The following NPSR1 variants were observed in gnomAD, a reference collection of about 807,000 sequenced individuals.
NPSR1 encodes the protein neuropeptide S receptor.
A neutral mutation model predicts 46.9 loss-of-function variants in NPSR1; 48 were observed. That is an observed-to-expected ratio of 1.02 (90% CI 0.81 to 1.30). NPSR1 has a LOEUF of 1.30. NPSR1 is among the 50% of genes most tolerant of loss of function. The probability of loss-of-function intolerance (pLI) is 0.00; values close to 1 mark genes in which losing one functional copy is unlikely to be tolerated. For missense variants in NPSR1, 450 were observed against 449.5 expected (o/e 1.00, Z -0.01); for synonymous variants, 176 against 168.1 (o/e 1.05, Z -0.36).
At chr7:34,783,710 A>G (rs992902968) in intron 3 of NPSR1, among the ~76,000 whole-genome samples, 1 of 152,156 alleles carries the variant, frequency 6.6e-6, no homozygotes, top group Admixed American at 6.6e-5. Flanking sequence ...ACCAAGACAT[A>G]TTATAATCAA....
At chr7:34,693,591 T>G (rs1793371916) in intron 2 of NPSR1, among the ~76,000 whole-genome samples, 1 of 152,210 alleles carries the variant, frequency 6.6e-6, no homozygotes, top group Non-Finnish European at 1.5e-5. Context: ...CCAATCTTAC[T>G]GAATCTATTC....
intron 5 of NPSR1, among the ~76,000 whole-genome samples, chr7:34,833,867 C>A (rs575511561): frequency 6.6e-6 from 1 of 152,222 alleles, no homozygotes; most frequent in Non-Finnish European, 1.5e-5. Flanking sequence ...ATAGAGACAC[C>A]AACAAGACAG....
chr7:34,757,609 T>C (rs1294253779), intron 2 of NPSR1, among the ~76,000 whole-genome samples: 2 of 152,204 alleles, frequency 1.3e-5, no homozygotes, highest in Non-Finnish European at 2.9e-5. Flanking sequence ...GTATGAGTTC[T>C]GGCTCTGAAG....
Position 34,709,484 on chromosome 7 carries a change from A to G in NPSR1, c.280+24800A>G, listed in dbSNP as rs2128701260. Reference sequence around the variant, plus strand: ...CATAGTCTGTATAGCTAACTCCCTCATGTCCTTCAAATCTTTCTTCAAATG... The same window carrying G: ...CATAGTCTGTATAGCTAACTCCCTCGTGTCCTTCAAATCTTTCTTCAAATG... On this transcript the variant is annotated intron_variant, in intron 2 of 8. Transcript: ENST00000360581. Among the ~76,000 whole-genome samples the G allele has an allele frequency of 1.3e-5, 2 of 152,230 alleles. 1 individual carries two copies. Among genetic ancestry groups the G allele is most frequent in the South Asian group, 4.1e-4 (2 of 4,822 alleles).
chr7:34,782,728 CAT>C (rs1787285296), intron 3 of NPSR1, among the ~76,000 whole-genome samples: 1 of 151,718 alleles, frequency 6.6e-6, no homozygotes, highest in East Asian at 1.9e-4. Flanking sequence ...CAAAAATAAA[CAT>C]AAAAAAACAG....
At chr7:34,772,568 C>G (rs903985334) in intron 2 of NPSR1, among the ~76,000 whole-genome samples, 1 of 152,114 alleles carries the variant, frequency 6.6e-6, no homozygotes, top group Non-Finnish European at 1.5e-5. Context: ...ATGGGTAGTA[C>G]AGAAAAGAGT....
intron 2 of NPSR1, among the ~76,000 whole-genome samples, chr7:34,776,307 T>A (rs1786955072): frequency 6.6e-6 from 1 of 152,194 alleles, no homozygotes; most frequent in South Asian, 2.1e-4. Context: ...TGTTGAAGTC[T>A]CCAGCTATTA....
chr7:34,751,785 C>T (rs1785549583), intron 2 of NPSR1: 10 of 1,587,898 alleles, frequency 6.3e-6, no homozygotes, highest in Non-Finnish European at 8.6e-6. Context: ...CACAGCCCTG[C>T]CATATCTGGG....
rs1785610044 is a variant in NPSR1 at position 34,752,860 on chromosome 7, A to AGCTGAACAG, written c.281-25599_281-25591dup. 2.6e-5 allele frequency among the ~76,000 whole-genome samples: 4 copies of AGCTGAACAG among 152,288 alleles called. No homozygotes were observed. In the East Asian group the frequency reaches 7.7e-4, roughly 29 times the overall value. ...GCACTACTCATTCCTCAAGACACAA[A>AGCTGAACAG]GCTGAACAGGCACTCTGTGAAGCCT... On this transcript the variant is annotated intron_variant, in intron 2 of 8. Coordinates refer to ENST00000360581, the MANE Select transcript of NPSR1 (RefSeq NM_207172.2).
chr7:34,808,579 T>C (rs976928482), intron 3 of NPSR1, among the ~76,000 whole-genome samples: 2 of 152,236 alleles, frequency 1.3e-5, no homozygotes, highest in African/African-American at 4.8e-5. Context: ...ACTTCATTGC[T>C]TACCATAGTT....
intron 2 of NPSR1, among the ~76,000 whole-genome samples, chr7:34,767,542 A>G (rs1333450020): frequency 6.6e-6 from 1 of 152,228 alleles, no homozygotes; most frequent in African/African-American, 2.4e-5. Flanking sequence ...ATCTGAAGAT[A>G]GATCCATAAA....
chr7:34,826,633 T>C (rs1386348180), intron 4 of NPSR1, among the ~76,000 whole-genome samples: 1 of 152,206 alleles, frequency 6.6e-6, no homozygotes, highest in Non-Finnish European at 1.5e-5. Context: ...TTAAAGGTAC[T>C]TGCTTATGTA....
At chr7:34,829,213 C>T (rs773779100) in intron 5 of NPSR1, among the ~76,000 whole-genome samples, 182 of 152,290 alleles carry the variant, frequency 1.2e-3, no homozygotes, top group Non-Finnish European at 2.1e-3. Flanking sequence ...TGCCCCCGCC[C>T]CCTCATCAGA....
At chr7:34,701,436 C>G (rs1793824887) in intron 2 of NPSR1, among the ~76,000 whole-genome samples, 1 of 152,154 alleles carries the variant, frequency 6.6e-6, no homozygotes, top group Admixed American at 6.5e-5. Flanking sequence ...ATCATTTACT[C>G]CACCCTAAGT....
intron 3 of NPSR1, among the ~76,000 whole-genome samples, chr7:34,790,957 A>G (rs376936340): frequency 0.047 from 4,432 of 94,482 alleles, 565 homozygotes; most frequent in African/African-American, 0.15. Flanking sequence ...TATATGTTAT[A>G]TGTTATATTA....
chr7:34,688,234 T>G (rs749067302), intron 2 of NPSR1, among the ~76,000 whole-genome samples: 2 of 152,160 alleles, frequency 1.3e-5, no homozygotes, highest in Non-Finnish European at 2.9e-5. Flanking sequence ...GAAGGCATTA[T>G]CCCATCATCA....
At chr7:34,755,335 G>C (rs1445150759) in intron 2 of NPSR1, among the ~76,000 whole-genome samples, 6 of 152,206 alleles carry the variant, frequency 3.9e-5, no homozygotes, top group Non-Finnish European at 7.3e-5. Flanking sequence ...AGGGAGGAAT[G>C]CAGAGATTTA....
intron 5 of NPSR1, among the ~76,000 whole-genome samples, chr7:34,832,568 TAAGCTCC>T (rs1790170005): frequency 6.6e-6 from 1 of 152,166 alleles, no homozygotes; most frequent in African/African-American, 2.4e-5. Flanking sequence ...GCTTGATCAC[TAAGCTCC>T]AAGAAGTAGT....
At chr7:34,751,730 C>G in intron 2 of NPSR1, 1 of 1,585,236 alleles carries the variant, frequency 6.3e-7, no homozygotes, top group Admixed American at 1.7e-5. Flanking sequence ...TTCGGGTCCC[C>G]CTGACTGGTT....
Sources: allele counts gnomAD v4.1 joint callset (sites outside exome capture counted in the v4.1 genomes callset), GRCh38; gene constraint gnomAD v4.1.1; transcripts MANE v1.5; gene names NCBI Gene and HGNC (gene_info 2026-07-23, HGNC 2026-07-21).